Variants in WDR82 observed in about 807,000 individuals in gnomAD.
WDR82 encodes WD repeat-containing protein 82.
A neutral mutation model predicts 36.1 loss-of-function variants in WDR82; 8 were observed. That is an observed-to-expected ratio of 0.22 (90% confidence interval 0.13 to 0.40). WDR82 has a LOEUF of 0.40. Among genes scored for constraint, WDR82 ranks in the 10% least tolerant of loss-of-function variants. The pLI is 1.00. For synonymous variants in WDR82, 129 were observed against 137.8 expected, an observed-to-expected ratio of 0.94 and a Z score of 0.45; for missense variants, 185 against 400.5, an observed-to-expected ratio of 0.46 and a Z score of 4.59.
chr3:52,262,119 T>C (rs1424233379), intron 3 of WDR82, among the ~76,000 whole-genome samples: 1 of 152,210 alleles, frequency 6.6e-6, no homozygotes, highest in Non-Finnish European at 1.5e-5. Flanking sequence ...TGGAGGAACC[T>C]TGGGAACACC....
chr3:52,264,050 C>T (rs1700085281), intron 3 of WDR82, among the ~76,000 whole-genome samples: 1 of 152,156 alleles, frequency 6.6e-6, no homozygotes, highest in South Asian at 2.1e-4. Context: ...GTAATCCCAG[C>T]TATTCGGGAG....
intron 1 of WDR82, among the ~76,000 whole-genome samples, chr3:52,277,752 G>A (rs573635968): frequency 3.9e-5 from 6 of 152,330 alleles, no homozygotes; most frequent in Admixed American, 3.9e-4. Flanking sequence ...GGGCGGAATC[G>A]AGGTCACAGT....
intron 2 of WDR82, 53 bp from the exon 3 acceptor site, chr3:52,267,071 AC>A: frequency 7.0e-7 from 1 of 1,427,142 alleles, no homozygotes; most frequent in Non-Finnish European, 9.8e-7. Context: ...AAAGAAATTT[AC>A]TTTACATTTT....
At chr3:52,261,350 T>C in intron 4 of WDR82, 30 bp downstream of exon 4, 1 of 1,591,784 alleles carries the variant, frequency 6.3e-7, no homozygotes, top group South Asian at 1.1e-5. Flanking sequence ...AAGAAAATGC[T>C]CAAAAAGTAT....
intron 6 of WDR82, 83 bp downstream of exon 6, chr3:52,259,634 G>C (rs977368003): frequency 6.7e-7 from 1 of 1,487,012 alleles, no homozygotes; most frequent in African/African-American, 1.4e-5. Context: ...AGTAACTGTT[G>C]GTCTCCACCA....
rs750752442 is a variant in WDR82, at chr3:52,270,713, G to A, written c.258C>T (p.Asp86=). 4.4e-5 allele frequency: 70 copies of A among 1,606,796 alleles called. No individual in the cohort carries two copies. The highest frequency in any genetic ancestry group is 5.4e-5 in the African/African-American group (4 of 74,626). The change falls in exon 2 of 9, where the codon GAC becomes GAT. Residue 86 remains aspartate, a splice_region_variant and synonymous_variant. Transcript: ENST00000296490. ...AACTTCCTAAAAAGGCTTGCTTACC[G>A]TCTATTTTGTTAGAGCTGTAAACAA... ...NTVVYSSNKI[D]DTIRYLSLHD...
chr3:52,260,018 AT>A, intron 5 of WDR82, 146 bp from the exon 6 acceptor site: 2 of 1,108,194 alleles, frequency 1.8e-6, no homozygotes, highest in Non-Finnish European at 2.5e-6. Flanking sequence ...TATCTACCAC[AT>A]TTTTCCTTTT....
At chr3:52,270,910 G>A in intron 1 of WDR82, 101 bp from the exon 2 acceptor site, 1 of 857,042 alleles carries the variant, frequency 1.2e-6, no homozygotes, top group Non-Finnish European at 1.8e-6. Context: ...GCAAAGGTGA[G>A]GATTTTTGGT....
chr3:52,260,483 C>T lies in WDR82; in HGVS notation c.445G>A (p.Gly149Arg). ...GGATCAAAAGAACAAACTGGCTTCC[C>T]CTGCAGATGCATGAGGCCCTAAGAG... Reference protein sequence around the residue: ...PNCQGLMHLQGKPVCSFDPEG... With the variant: ...PNCQGLMHLQRKPVCSFDPEG... The change falls in exon 5 of 9, where the codon GGG (glycine) becomes AGG (arginine). Residue 149 changes from glycine (G) to arginine (R), a missense_variant. This residue lies in a region of WDR82 where 110 missense variants were observed against 212.6 expected (regional missense o/e 0.52). Coordinates refer to ENST00000296490, the MANE Select transcript of WDR82 (RefSeq NM_025222.4). The T allele has an allele frequency of 6.3e-7, 1 of 1,586,692 alleles. No homozygotes were observed. Among genetic ancestry groups the T allele is most frequent in the Non-Finnish European group, 8.5e-7 (1 of 1,171,012 alleles).
At position 52,259,844 on chromosome 3, in the gene WDR82, T is replaced by C; in HGVS notation, c.572A>G (p.Tyr191Cys). ...TCCTGTCCACTCACAAGTTCGATCA[T>C]ACTGCATCTTAAAGGTAGCAAATGG... Reference protein sequence around the residue: ...KGPFATFKMQYDRTCEWTGLK... With the variant: ...KGPFATFKMQCDRTCEWTGLK... Residue 191 changes from tyrosine (Y) to cysteine (C), a missense_variant, in exon 6 of 9, where the codon TAT (tyrosine) becomes TGT (cysteine). Transcript: ENST00000296490. 2 of 1,613,898 alleles carry C rather than the reference T, an allele frequency of 1.2e-6. No individual in the cohort carries two copies. The highest frequency in any genetic ancestry group is 1.3e-5 in the African/African-American group (1 of 75,032).
chr3:52,258,717 C>G lies in WDR82; in HGVS notation c.770-39G>C, dbSNP rs772826162. ...TCACGGAAAATGTAACAGCTCAAGGCGCAATACAAAGACAACTGGAAATGA... is the reference window on the plus strand; with the variant it reads ...TCACGGAAAATGTAACAGCTCAAGGGGCAATACAAAGACAACTGGAAATGA... On this transcript the variant is annotated intron_variant, in intron 7 of 8. Coordinates refer to ENST00000296490, the MANE Select transcript of WDR82 (RefSeq NM_025222.4). 3 of 1,612,788 alleles carry G rather than the reference C, an allele frequency of 1.9e-6. No homozygotes were observed. In the East Asian group the frequency reaches 6.7e-5, roughly 36 times the overall value.
Position 52,260,491 on chromosome 3 carries a change from T to G in WDR82, c.437A>C (p.His146Pro), listed in dbSNP as rs1331818634. The part of the protein sequence containing the change: ...LRSPNCQGLM[H>P]LQGKPVCSFD... ...AGAACAAACTGGCTTCCCCTGCAGA[T>G]GCATGAGGCCCTAAGAGAAAAGAAA... The change falls in exon 5 of 9, where the codon CAT becomes CCT. Residue 146 changes from histidine (H) to proline (P), a missense_variant. By Grantham distance (77) the His-to-Pro change is moderately conservative. Transcript: ENST00000296490. 6.3e-7 allele frequency: 1 copy of G among 1,581,412 alleles called. No homozygotes were observed. Among genetic ancestry groups the G allele is most frequent in the South Asian group, 1.2e-5 (1 of 86,154 alleles).
rs1700228492 is a variant in WDR82 at position 52,278,480 on chromosome 3, A to C, written c.-119T>G. 3.2e-6 allele frequency: 3 copies of C among 943,850 alleles called. No homozygotes were observed. Among genetic ancestry groups the C allele is most frequent in the Non-Finnish European group, 1.4e-6 (1 of 739,018 alleles). 58.5% of individuals were successfully genotyped at this position (943,850 alleles called of 1,614,324 possible). A position where few individuals can be genotyped will look rare whatever the true frequency, so the allele number is the denominator to read the frequency against. On this transcript the variant is annotated 5_prime_UTR_variant, in exon 1 of 9. Coordinates refer to ENST00000296490, the MANE Select transcript of WDR82 (RefSeq NM_025222.4). ...GGCGCCGCGCCGGCGGCTAGCGGGA[A>C]GTCGGCCAACAGTTGGGCCGCCTCC...
At chr3:52,263,793 A>G (rs1359714819) in intron 3 of WDR82, among the ~76,000 whole-genome samples, 1 of 152,252 alleles carries the variant, frequency 6.6e-6, no homozygotes, top group African/African-American at 2.4e-5. Flanking sequence ...AAAAGGTAAC[A>G]ATGATGGACA....
chr3:52,265,053 C>A (rs1179072306), intron 3 of WDR82, among the ~76,000 whole-genome samples: 5 of 152,010 alleles, frequency 3.3e-5, no homozygotes, highest in African/African-American at 1.2e-4. Flanking sequence ...CGGTGGCTCA[C>A]GTCTGTAATC....
At chr3:52,264,743 A>G (rs1448746410) in intron 3 of WDR82, among the ~76,000 whole-genome samples, 1 of 152,132 alleles carries the variant, frequency 6.6e-6, no homozygotes, top group Non-Finnish European at 1.5e-5. Context: ...TTTCTCAAGG[A>G]AAGGATTCCA....
chr3:52,264,835 G>C (rs1700091620), intron 3 of WDR82, among the ~76,000 whole-genome samples: 1 of 152,070 alleles, frequency 6.6e-6, no homozygotes, highest in Non-Finnish European at 1.5e-5. Flanking sequence ...TTGTCACCCA[G>C]GCTGGAGTAC....
chr3:52,259,415 T>C (rs769861944), intron 6 of WDR82, 149 bp from the exon 7 acceptor site: 10 of 846,976 alleles, frequency 1.2e-5, no homozygotes, highest in African/African-American at 1.7e-5. Context: ...CCAAATGTGG[T>C]TGCCATCGTT....
At chr3:52,275,851 T>C (rs145779167) in intron 1 of WDR82, among the ~76,000 whole-genome samples, 1,776 of 152,186 alleles carry the variant, frequency 0.012, 36 homozygotes, top group African/African-American at 0.041. Context: ...GCCACTGCAC[T>C]CCAGCCTGGG....
Sources: allele counts gnomAD v4.1 joint callset (sites outside exome capture counted in the v4.1 genomes callset), GRCh38; gene constraint gnomAD v4.1.1; regional missense constraint gnomAD v4.1.1; transcripts MANE v1.5; gene names NCBI Gene and HGNC (gene_info 2026-07-23, HGNC 2026-07-21).